DYRK1B: variants seen among roughly 807,000 people sequenced by gnomAD.
The protein encoded by DYRK1B is dual specificity tyrosine phosphorylation regulated kinase 1B.
DYRK1B carries 20 observed loss-of-function variants against 57.1 expected under a neutral mutation model. That is an observed-to-expected ratio of 0.35 (90% CI 0.25 to 0.51). The LOEUF (loss-of-function observed/expected upper bound fraction) is 0.51. Ranked by LOEUF, DYRK1B falls within the 20% of genes least tolerant of loss-of-function variation. The pLI is 0.96. For missense variants in DYRK1B, 732 were observed against 886.3 expected (o/e 0.83, Z 2.21); for synonymous variants, 409 against 384.7 (o/e 1.06, Z -0.74).
intron 2 of DYRK1B, 54 bp from the exon 3 acceptor site, chr19:39,830,837 C>T: frequency 2.6e-6 from 4 of 1,556,624 alleles, no homozygotes; most frequent in Non-Finnish European, 3.5e-6. Context: ...CCTCCGACCT[C>T]AAGAGGAAGA....
Position 39,831,862 on chromosome 19 carries a change from G to A in DYRK1B, c.6C>T (p.Ala2=), listed in dbSNP as rs761310435. The change falls in exon 2 of 11, where the codon GCC becomes GCT. Residue 2 remains alanine (A), a synonymous_variant. Coordinates refer to ENST00000323039, the MANE Select transcript of DYRK1B (RefSeq NM_004714.3). M[A]VPPGHGPFSG... is the part of the protein sequence containing the mutation. The stretch of plus-strand genomic sequence containing the variant: ...AGAAGGGACCATGGCCCGGTGGGAC[G>A]GCCATGGTGGGCTCAGAGGGCCGCA... 4 of 1,512,452 alleles carry A rather than the reference G, an allele frequency of 2.6e-6. No individual in the cohort carries two copies. Among genetic ancestry groups the A allele is most frequent in the Non-Finnish European group, 3.5e-6 (4 of 1,127,036 alleles). The allele number at this position is 1,512,452 out of a possible 1,614,324, so 93.7% of individuals were successfully genotyped here. A position where few individuals can be genotyped will look rare whatever the true frequency, so the allele number is the denominator to read the frequency against.
chr19:39,827,027 C>T, intron 8 of DYRK1B, 40 bp from the exon 9 acceptor site: 1 of 1,368,760 alleles, frequency 7.3e-7, no homozygotes, highest in Non-Finnish European at 9.5e-7. Flanking sequence ...AGAGAGTGGC[C>T]GTCAGTGGGC....
In DYRK1B at chr19:39,829,978, A is replaced by G; in HGVS notation, c.422T>C (p.Ile141Thr). The G allele has an allele frequency of 6.2e-7, 1 of 1,613,992 alleles. No homozygotes were observed. ...HQTQELVAIKIIKNKKAFLNQ... is the reference protein window; with the variant it reads ...HQTQELVAIKTIKNKKAFLNQ... ...CAGGAAAGCCTTTTTGTTCTTGATG[A>G]TCTTGATGGCCACAAGCTCCTGGGT... is the stretch of plus-strand genomic sequence containing the variant. Residue 141 changes from isoleucine to threonine, a missense_variant, in exon 5 of 11, where the codon ATC becomes ACC. Physicochemically the swap from Ile to Thr is moderately conservative, Grantham distance 89 (BLOSUM62 -1). This residue lies in a region of DYRK1B where 510 missense variants were observed against 681.3 expected (regional missense o/e 0.75). Coordinates refer to ENST00000323039, the MANE Select transcript of DYRK1B (RefSeq NM_004714.3).
chr19:39,827,357 G>C lies in DYRK1B; in HGVS notation c.1023C>G (p.Pro341=). Residue 341 remains proline, a synonymous_variant, in exon 8 of 11, where the codon CCC becomes CCG. Coordinates refer to ENST00000323039, the MANE Select transcript of DYRK1B (RefSeq NM_004714.3). ...IPPAAMLDQA[P]KARKYFERLP... ...GCCGTTCAAAGTACTTGCGAGCCTT[G>C]GGCGCCTGGTCCAGCATGGCGGCCG... The C allele has an allele frequency of 6.2e-7, 1 of 1,613,804 alleles. No individual in the cohort carries two copies. Among genetic ancestry groups the C allele is most frequent in the Non-Finnish European group, 8.5e-7 (1 of 1,179,812 alleles).
intron 2 of DYRK1B, 55 bp downstream of exon 2, chr19:39,831,750 C>G: frequency 1.3e-6 from 2 of 1,547,448 alleles, no homozygotes; most frequent in Non-Finnish European, 1.7e-6. Flanking sequence ...GGAGACCTTT[C>G]TATCCCCAGC....
intron 1 of DYRK1B, 139 bp downstream of exon 1, chr19:39,833,884 G>A (rs1469664268): frequency 1.3e-5 from 2 of 152,456 alleles, no homozygotes; most frequent in African/African-American, 4.8e-5. Context: ...TAGCCAGGCA[G>A]GGCCCGCACC....
intron 1 of DYRK1B, 137 bp from the exon 2 acceptor site, chr19:39,832,105 A>C: frequency 1.0e-6 from 1 of 987,884 alleles, no homozygotes; most frequent in Non-Finnish European, 1.3e-6. Flanking sequence ...GCAGATAGCA[A>C]TGAAGAGAAG....
At chr19:39,833,396 G>A (rs1476751099) in intron 1 of DYRK1B, 3 of 978,432 alleles carry the variant, frequency 3.1e-6, no homozygotes, top group Non-Finnish European at 3.6e-6. Context: ...GGCCCGGCCG[G>A]CCCCGCGGCG....
At position 39,828,331 on chromosome 19, in the gene DYRK1B, A is replaced by G; in HGVS notation, c.773T>C (p.Val258Ala). ...AAGCTGGCAGGAGCTGCCGAAGTCCACAATCTTGATGGCGCTGCGCTTGGG... is the reference window on the plus strand; with the variant it reads ...AAGCTGGCAGGAGCTGCCGAAGTCCGCAATCTTGATGGCGCTGCGCTTGGG... ...CNPKRSAIKI[V>A]DFGSSCQLGQ... The change falls in exon 6 of 11, where the codon GTG becomes GCG. Residue 258 changes from valine (V) to alanine (A), a missense_variant. Coordinates refer to ENST00000323039, the MANE Select transcript of DYRK1B (RefSeq NM_004714.3). This position sits in a 1 kb window ranked among gnomAD's most constrained non-coding sequence, Gnocchi z 4.3. 3 of 1,614,152 alleles carry G rather than the reference A, an allele frequency of 1.9e-6. No homozygotes were observed. Among genetic ancestry groups the G allele is most frequent in the Non-Finnish European group, 2.5e-6 (3 of 1,180,020 alleles).
In DYRK1B at chr19:39,831,925, C is replaced by G. The variant is rs1416628593; in HGVS notation, c.-58G>C. The G allele has an allele frequency of 7.0e-7, 1 of 1,436,952 alleles. No homozygotes were observed. Among genetic ancestry groups the G allele is most frequent in the Non-Finnish European group, 9.1e-7 (1 of 1,093,872 alleles). The allele number at this position is 1,436,952 out of a possible 1,614,324, so 89.0% of individuals were successfully genotyped here. A position where few individuals can be genotyped will look rare whatever the true frequency, so the allele number is the denominator to read the frequency against. On this transcript the variant is annotated 5_prime_UTR_variant, in exon 2 of 11. Coordinates refer to ENST00000323039, the MANE Select transcript of DYRK1B (RefSeq NM_004714.3). ...CTGGAGCGGGAGCCCGGCCGGGGGGCGCCTTCTTGCATCCTGCACCTCGGC... is the reference window on the plus strand; with the variant it reads ...CTGGAGCGGGAGCCCGGCCGGGGGGGGCCTTCTTGCATCCTGCACCTCGGC...
At chr19:39,832,915 C>T (rs751732005) in intron 1 of DYRK1B, 4 of 984,946 alleles carry the variant, frequency 4.1e-6, no homozygotes, top group Non-Finnish European at 4.8e-6. Context: ...TTCTCCCCTA[C>T]ACTGCTTCCT....
chr19:39,829,729 G>C (rs1434287997), intron 5 of DYRK1B, 151 bp downstream of exon 5: 9 of 828,216 alleles, frequency 1.1e-5, no homozygotes, highest in Non-Finnish European at 1.6e-5. Context: ...AAAGCAGCAG[G>C]AGAATCACTG....
At chr19:39,829,655 C>T (rs1968713980) in intron 5 of DYRK1B, 1 of 466,004 alleles carries the variant, frequency 2.1e-6, no homozygotes, top group East Asian at 3.4e-5. Flanking sequence ...TCCAAGAGAG[C>T]CTGGCCCTTG....
chr19:39,827,911 C>T lies in DYRK1B; in HGVS notation c.808-255G>A, dbSNP rs73930652. On this transcript the variant is annotated intron_variant, in intron 6 of 10. Transcript: ENST00000323039. ...CGGATCCTGGGCCCTTCTGGGTCAC[C>T]AGGCAGAGGCTGACATTCCATAAGC... Among the ~76,000 whole-genome samples, 1,248 of 152,214 alleles carry T rather than the reference C, an allele frequency of 8.2e-3. 24 individuals are homozygous for T. The highest frequency in any genetic ancestry group is 0.029 in the African/African-American group (1,211 of 41,500).
chr19:39,827,420 G>C lies in DYRK1B; in HGVS notation c.960C>G (p.Asp320Glu), dbSNP rs767769086. The C allele has an allele frequency of 4.3e-6, 7 of 1,612,056 alleles. No homozygotes were observed. The highest frequency in any genetic ancestry group is 1.1e-5 in the South Asian group (1 of 91,040). The change falls in exon 8 of 11, where the codon GAC becomes GAG. Residue 320 changes from aspartate (D) to glutamate (E), a missense_variant. Asp to Glu is a conservative substitution (Grantham distance 45). This residue lies in a region of DYRK1B where 510 missense variants were observed against 681.3 expected (regional missense o/e 0.75). Transcript: ENST00000323039. The part of the protein sequence containing the change: ...EPLFSGSNEV[D>E]QMNRIVEVLG... ...GCACCTCCACAATGCGGTTCATCTG[G>C]TCGACCTGTGAGCAGGCAGGGGTCA...
chr19:39,827,440 G>C lies in DYRK1B; in HGVS notation c.955-15C>G, dbSNP rs369925004. On this transcript the variant is annotated splice_polypyrimidine_tract_variant and intron_variant, in intron 7 of 10. Transcript: ENST00000323039. ...ATCTGGTCGACCTGTGAGCAGGCAG[G>C]GGTCAAGGTCATCAGGCCAGCCAGG... 9 of 1,609,856 alleles carry C rather than the reference G, an allele frequency of 5.6e-6. No homozygotes were observed. The highest frequency in any genetic ancestry group is 7.6e-6 in the Non-Finnish European group (9 of 1,176,624).
rs537683282 is a variant in DYRK1B at position 39,826,261 on chromosome 19, G to A, written c.1437C>T (p.Asp479=). ...SSGGSSGSSS[D]NRTYRYSNRY... ...GGTTGCTGTAGCGGTAGGTCCGGTTGTCACTGGAGGAGCCACTGGAGCCTC... is the reference window on the plus strand; with the variant it reads ...GGTTGCTGTAGCGGTAGGTCCGGTTATCACTGGAGGAGCCACTGGAGCCTC... Residue 479 remains aspartate (D), a synonymous_variant, in exon 10 of 11, where the codon GAC becomes GAT. Coordinates refer to ENST00000323039, the MANE Select transcript of DYRK1B (RefSeq NM_004714.3). The surrounding 1 kb of genome is among the most constrained non-coding windows in gnomAD (Gnocchi z 6.3). 2.5e-6 allele frequency: 4 copies of A among 1,592,080 alleles called. No homozygotes were observed. Among genetic ancestry groups the A allele is most frequent in the African/African-American group, 1.4e-5 (1 of 73,548 alleles).
intron 8 of DYRK1B, 56 bp downstream of exon 8, chr19:39,827,229 C>T (rs1968583391): frequency 6.4e-7 from 1 of 1,554,120 alleles, no homozygotes. Flanking sequence ...GAGAGAGCCC[C>T]AAGTGTGAGT....
rs1442897061 is a variant in DYRK1B at position 39,825,806 on chromosome 19, C to T, written c.1799G>A (p.Arg600His). The T allele has an allele frequency of 9.4e-6, 15 of 1,591,678 alleles. No homozygotes were observed. The highest frequency in any genetic ancestry group is 4.0e-5 in the African/African-American group (3 of 74,408). ...SALRTRMTGG[R>H]PPLPPPDDPA... ...GTCATCAGGAGGCGGGAGGGGTGGA[C>T]GACCTCCAGTCATCCGAGTCCGGAG... is the stretch of plus-strand genomic sequence containing the variant. The change falls in exon 11 of 11, where the codon CGT (arginine) becomes CAT (histidine). Residue 600 changes from arginine (R) to histidine (H), a missense_variant. Physicochemically the swap from Arg to His is conservative, Grantham distance 29. Coordinates refer to ENST00000323039, the MANE Select transcript of DYRK1B (RefSeq NM_004714.3).
Sources: allele counts gnomAD v4.1 joint callset (sites outside exome capture counted in the v4.1 genomes callset), GRCh38; gene constraint gnomAD v4.1.1; regional missense constraint gnomAD v4.1.1; non-coding constraint Gnocchi (gnomAD v3.1); transcripts MANE v1.5; gene names NCBI Gene and HGNC (gene_info 2026-07-23, HGNC 2026-07-21).